The following KBTBD3 variants were observed in gnomAD, a reference collection of about 807,000 sequenced individuals.
KBTBD3 encodes the protein kelch repeat and BTB domain containing 3.
KBTBD3 carries 38 observed loss-of-function variants against 49.6 expected under a neutral mutation model. The observed-to-expected ratio is 0.77, with a 90% CI of 0.59 to 1.00. The LOEUF (loss-of-function observed/expected upper bound fraction) is 1.00. KBTBD3 is among the 50% of genes least tolerant of loss of function. The pLI is 0.00. For synonymous variants in KBTBD3, 214 were observed against 250.4 expected (o/e 0.85, Z 1.37); for missense variants, 661 against 712.0 (o/e 0.93, Z 0.81).
At chr11:106,063,118 C>T (rs1422416579) in intron 2 of KBTBD3, among the ~76,000 whole-genome samples, 2 of 152,222 alleles carry the variant, frequency 1.3e-5, no homozygotes, top group East Asian at 1.9e-4. Flanking sequence ...GTAGCCAGCC[C>T]TCTTATGTAA....
chr11:106,077,152 A>G (rs1228350134), intron 1 of KBTBD3, among the ~76,000 whole-genome samples, 160 bp downstream of exon 1: 1 of 152,104 alleles, frequency 6.6e-6, no homozygotes, highest in South Asian at 2.1e-4. Flanking sequence ...AGGGGGCACC[A>G]CTGCAGACCC....
At position 106,058,682 on chromosome 11, in the gene KBTBD3, T is replaced by G. The variant is rs540265088; in HGVS notation, c.233+183A>C. 1.3e-3 allele frequency: 715 copies of G among 540,376 alleles called. 5 individuals are homozygous for G. The Admixed American group carries it at 0.016, about 12-fold the overall frequency. The allele number at this position is 540,376 out of a possible 1,614,324, so 33.5% of individuals were successfully genotyped here. On this transcript the variant is annotated intron_variant, in intron 3 of 3. Coordinates refer to ENST00000531837, the MANE Select transcript of KBTBD3 (RefSeq NM_198439.3). ...CAGGTGATCCGCCCGCCTTGGCCTC[T>G]TAGGGTGTTGGGATTACAGGCGTGA...
In KBTBD3 at chr11:106,052,190, A is replaced by C. The variant is rs1304088587; in HGVS notation, c.*660T>G. On this transcript the variant is annotated 3_prime_UTR_variant, in exon 4 of 4. Transcript: ENST00000531837. ...TGAGAGGGGGGGAGGAGAGAGAGAG[A>C]GAGAGCTAGAAATTGAAACCAACTG... 1 of 152,000 alleles carries C rather than the reference A, an allele frequency of 6.6e-6. No individual in the cohort carries two copies. Among genetic ancestry groups the C allele is most frequent in the Non-Finnish European group, 1.5e-5 (1 of 67,842 alleles). The allele number at this position is 152,000 out of a possible 1,614,324, so 9.4% of individuals were successfully genotyped here. A position where few individuals can be genotyped will look rare whatever the true frequency, so the allele number is the denominator to read the frequency against.
At chr11:106,058,666 C>T (rs545506816) in intron 3 of KBTBD3, 199 bp downstream of exon 3, 37 of 505,864 alleles carry the variant, frequency 7.3e-5, no homozygotes, top group Middle Eastern at 5.0e-4. Flanking sequence ...TCAGGTGATC[C>T]GCCCGCCTTG....
At chr11:106,058,340 C>G (rs1860601331) in intron 3 of KBTBD3, among the ~76,000 whole-genome samples, 1 of 150,962 alleles carries the variant, frequency 6.6e-6, no homozygotes, top group Non-Finnish European at 1.5e-5. Flanking sequence ...GAGATCGCAC[C>G]ACTGCACTCC....
intron 2 of KBTBD3, among the ~76,000 whole-genome samples, chr11:106,064,299 A>G (rs1860761207): frequency 6.6e-6 from 1 of 152,112 alleles, no homozygotes; most frequent in African/African-American, 2.4e-5. Context: ...TAATCCCAGC[A>G]CTTTAGGAGG....
In KBTBD3 at chr11:106,052,634, T is replaced by C. The variant is rs1860441456; in HGVS notation, c.*216A>G. ...TTTCATGTGAAAATACTAAGTATTC[T>C]GGATTCCCCAAGGTTAAATTATATT... On this transcript the variant is annotated 3_prime_UTR_variant, in exon 4 of 4. Coordinates refer to ENST00000531837, the MANE Select transcript of KBTBD3 (RefSeq NM_198439.3). 6.5e-6 allele frequency: 3 copies of C among 461,830 alleles called. No homozygotes were observed. The highest frequency in any genetic ancestry group is 7.6e-6 in the Non-Finnish European group (2 of 262,806). 28.6% of individuals were successfully genotyped at this position (461,830 alleles called of 1,614,324 possible).
intron 3 of KBTBD3, 98 bp from the exon 4 acceptor site, chr11:106,054,553 T>C: frequency 1.2e-6 from 1 of 802,518 alleles, no homozygotes; most frequent in Admixed American, 3.9e-5. Flanking sequence ...TTGACTTAAA[T>C]ATATTTATAA....
chr11:106,054,343 T>C lies in KBTBD3; in HGVS notation c.346A>G (p.Lys116Glu). The C allele has an allele frequency of 6.2e-7, 1 of 1,613,334 alleles. No individual in the cohort carries two copies. Among genetic ancestry groups the C allele is most frequent in the Non-Finnish European group, 8.5e-7 (1 of 1,179,628 alleles). The change falls in exon 4 of 4, where the codon AAA becomes GAA. Residue 116 changes from lysine to glutamate, a missense_variant. Transcript: ENST00000531837. ...FLDYAYTGKT[K>E]ITDDNVEMFF... ...ATTTCCACATTATCATCTGTTATTTTTGTTTTTCCAGTATAGGCATAATCG... is the reference window on the plus strand; with the variant it reads ...ATTTCCACATTATCATCTGTTATTTCTGTTTTTCCAGTATAGGCATAATCG...
In KBTBD3 at chr11:106,054,281, G is replaced by C; in HGVS notation, c.408C>G (p.Phe136Leu). Reference sequence around the variant, plus strand: ...AAAAGTCACTGCAAGCTTTGGATAGGAAGGAAACTTGAAGAAATGATGACA... The same window carrying C: ...AAAAGTCACTGCAAGCTTTGGATAGCAAGGAAACTTGAAGAAATGATGACA... The part of the protein sequence containing the change: ...FQLSSFLQVS[F>L]LSKACSDFLI... The change falls in exon 4 of 4, where the codon TTC becomes TTG. Residue 136 changes from phenylalanine to leucine, a missense_variant. By Grantham distance (22) the Phe-to-Leu change is conservative. Transcript: ENST00000531837. The C allele has an allele frequency of 3.7e-6, 6 of 1,612,958 alleles. No homozygotes were observed. Among genetic ancestry groups the C allele is most frequent in the Non-Finnish European group, 4.2e-6 (5 of 1,179,510 alleles).
intron 2 of KBTBD3, among the ~76,000 whole-genome samples, chr11:106,068,082 T>C (rs1022950356): frequency 1.4e-5 from 2 of 147,262 alleles, no homozygotes; most frequent in South Asian, 2.2e-4. Flanking sequence ...CACCAAATGA[T>C]AGAGCTGTAA....
At chr11:106,054,995 T>C (rs1860523098) in intron 3 of KBTBD3, among the ~76,000 whole-genome samples, 1 of 152,100 alleles carries the variant, frequency 6.6e-6, no homozygotes, top group Non-Finnish European at 1.5e-5. Context: ...TCTAAAAAGA[T>C]ATTTTATATA....
intron 1 of KBTBD3, among the ~76,000 whole-genome samples, 158 bp downstream of exon 1, chr11:106,077,154 T>C (rs1026899977): frequency 6.6e-6 from 1 of 152,080 alleles, no homozygotes; most frequent in Non-Finnish European, 1.5e-5. Flanking sequence ...GGGGCACCAC[T>C]GCAGACCCCC....
At chr11:106,074,089 G>C (rs533349278) in intron 2 of KBTBD3, among the ~76,000 whole-genome samples, 1 of 148,238 alleles carries the variant, frequency 6.7e-6, no homozygotes, top group Admixed American at 7.0e-5. Context: ...CTCTACCCTG[G>C]AGTCTACTTT....
intron 2 of KBTBD3, among the ~76,000 whole-genome samples, chr11:106,072,025 A>T (rs1195849272): frequency 6.6e-6 from 1 of 152,122 alleles, no homozygotes; most frequent in Non-Finnish European, 1.5e-5. Flanking sequence ...TAAGACACAA[A>T]TTTTTTCACA....
chr11:106,064,234 G>T (rs946732975), intron 2 of KBTBD3, among the ~76,000 whole-genome samples: 1 of 152,088 alleles, frequency 6.6e-6, no homozygotes, highest in African/African-American at 2.4e-5. Context: ...CCAAGATGAT[G>T]AAAACAAATG....
chr11:106,052,787 T>A lies in KBTBD3; in HGVS notation c.*63A>T. The A allele has an allele frequency of 7.9e-7, 1 of 1,270,076 alleles. No individual in the cohort carries two copies. The highest frequency in any genetic ancestry group is 1.1e-6 in the Non-Finnish European group (1 of 906,266). 78.7% of individuals were successfully genotyped at this position (1,270,076 alleles called of 1,614,324 possible). A position where few individuals can be genotyped will look rare whatever the true frequency, so the allele number is the denominator to read the frequency against. On this transcript the variant is annotated 3_prime_UTR_variant, in exon 4 of 4. Transcript: ENST00000531837. ...TTTCATTAAGATGTATAGATCTTTT[T>A]ACCTATCATTTTGGTTAACAAATTT...
rs139872963 is a variant in KBTBD3 at position 106,059,116 on chromosome 11, T to C, written c.-12-7A>G. 5,216 of 1,486,846 alleles carry C rather than the reference T, an allele frequency of 3.5e-3. 51 individuals are homozygous for C. The highest frequency in any genetic ancestry group is 2.9e-3 in the Non-Finnish European group (3,241 of 1,109,654). The allele number at this position is 1,486,846 out of a possible 1,614,324, so 92.1% of individuals were successfully genotyped here. A position where few individuals can be genotyped will look rare whatever the true frequency, so the allele number is the denominator to read the frequency against. On this transcript the variant is annotated splice_region_variant and splice_polypyrimidine_tract_variant and intron_variant, in intron 2 of 3. Transcript: ENST00000531837. ...ATTCCATATGTCCTTAGAACTAGAA[T>C]AAAAACAAAATCACCGATGTAGTAG...
At chr11:106,056,333 A>G (rs570321838) in intron 3 of KBTBD3, among the ~76,000 whole-genome samples, 18 of 152,368 alleles carry the variant, frequency 1.2e-4, no homozygotes, top group Admixed American at 4.6e-4. Flanking sequence ...TTGTTCTAAC[A>G]GTAATTTTAA....
Sources: gnomAD v4.1 joint callset for allele counts (sites outside exome capture counted in the v4.1 genomes callset) on GRCh38, gnomAD v4.1.1 for gene constraint, MANE v1.5 for transcripts, NCBI Gene and HGNC (gene_info 2026-07-23, HGNC 2026-07-21) for gene names.